ZBTB7C: variants seen among roughly 807,000 people sequenced by gnomAD.
ZBTB7C encodes the protein zinc finger and BTB domain containing 7C, also known as zinc finger and BTB domain-containing protein 7C.
ZBTB7C carries 8 observed loss-of-function variants against 25.7 expected under a neutral mutation model. That is an observed-to-expected ratio of 0.31 (90% CI 0.18 to 0.56). The LOEUF is 0.56. Ranked by LOEUF, ZBTB7C falls within the 20% of genes least tolerant of loss-of-function variation. ZBTB7C has a pLI of 0.91. For synonymous variants in ZBTB7C, 394 were observed against 369.0 expected (o/e 1.07, Z -0.78); for missense variants, 824 against 855.2 (o/e 0.96, Z 0.46).
intron 3 of ZBTB7C, among the ~76,000 whole-genome samples, chr18:48,097,255 C>A (rs897919458): frequency 2.6e-5 from 4 of 152,136 alleles, no homozygotes; most frequent in African/African-American, 9.7e-5. Context: ...CCATCTTCCA[C>A]CCTGTGCAAG....
chr18:48,345,620 C>T (rs1243408242), intron 1 of ZBTB7C, among the ~76,000 whole-genome samples: 1 of 152,150 alleles, frequency 6.6e-6, no homozygotes, highest in Non-Finnish European at 1.5e-5. Context: ...GAGTATATTT[C>T]TGTCTCTTCA....
At chr18:48,083,811 A>C in intron 3 of ZBTB7C, 1 of 984,426 alleles carries the variant, frequency 1.0e-6, no homozygotes, top group African/African-American at 1.7e-5. Flanking sequence ...TTATGAGGTT[A>C]TAAAGGGCCT....
At chr18:48,183,905 C>T (rs2041991601) in intron 3 of ZBTB7C, among the ~76,000 whole-genome samples, 1 of 152,160 alleles carries the variant, frequency 6.6e-6, no homozygotes, top group African/African-American at 2.4e-5. Context: ...CACATTCCCA[C>T]TCAGCTCTTG....
intron 3 of ZBTB7C, among the ~76,000 whole-genome samples, chr18:48,161,700 G>C (rs868466970): frequency 2.0e-5 from 3 of 146,486 alleles, no homozygotes; most frequent in Non-Finnish European, 3.0e-5. Context: ...TGCCCGGCCC[G>C]GCCCGGCCCG....
rs565030595 is a variant in ZBTB7C at position 48,027,697 on chromosome 18, G to T, written c.*1563C>A. 2.6e-5 allele frequency: 4 copies of T among 152,254 alleles called. No homozygotes were observed. Among genetic ancestry groups the T allele is most frequent in the African/African-American group, 9.7e-5 (4 of 41,440 alleles). The allele number at this position is 152,254 out of a possible 1,614,324, so 9.4% of individuals were successfully genotyped here. ...CAGGAAAAAGCCAAGGCAACAGGAA[G>T]AGCTGAAGTCTCTTTGTGCCCATAG... On this transcript the variant is annotated 3_prime_UTR_variant, in exon 5 of 5. Coordinates refer to ENST00000590800, the MANE Select transcript of ZBTB7C (RefSeq NM_001318841.2).
chr18:48,139,318 G>C (rs1228686366), intron 3 of ZBTB7C, among the ~76,000 whole-genome samples: 2 of 152,156 alleles, frequency 1.3e-5, no homozygotes, highest in Non-Finnish European at 2.9e-5. Context: ...AAAGGAGAGA[G>C]TGCAGGGCAG....
chr18:48,200,647 C>G (rs867144753), intron 2 of ZBTB7C, among the ~76,000 whole-genome samples: 1 of 152,142 alleles, frequency 6.6e-6, no homozygotes, highest in African/African-American at 2.4e-5. Flanking sequence ...GAAATGGGTC[C>G]TTGTATTGAG....
chr18:48,114,844 C>T (rs12150828), intron 3 of ZBTB7C, among the ~76,000 whole-genome samples: 2,172 of 152,274 alleles, frequency 0.014, 20 homozygotes, highest in Middle Eastern at 0.034. Context: ...CCCAGTTTGA[C>T]TTCATTTATG....
At chr18:48,388,369 T>C (rs1378120018) in intron 1 of ZBTB7C, among the ~76,000 whole-genome samples, 3 of 152,164 alleles carry the variant, frequency 2.0e-5, no homozygotes, top group African/African-American at 7.2e-5. Context: ...TAGCGAGGAA[T>C]GTGTTCCTTA....
At chr18:48,408,838 G>A (rs1015687550) in intron 1 of ZBTB7C, among the ~76,000 whole-genome samples, 1 of 151,320 alleles carries the variant, frequency 6.6e-6, no homozygotes, top group Non-Finnish European at 1.5e-5. Flanking sequence ...AGCCCCGCGC[G>A]CCACTTCGCT....
At chr18:48,105,568 G>A (rs530201506) in intron 3 of ZBTB7C, among the ~76,000 whole-genome samples, 4 of 152,284 alleles carry the variant, frequency 2.6e-5, no homozygotes, top group African/African-American at 7.2e-5. Flanking sequence ...TGCCCCTGGA[G>A]GGGGTACTGC....
At chr18:48,406,005 A>C (rs1391652238) in intron 1 of ZBTB7C, among the ~76,000 whole-genome samples, 1 of 152,112 alleles carries the variant, frequency 6.6e-6, no homozygotes, top group Non-Finnish European at 1.5e-5. Context: ...GTTTTCTTCC[A>C]GTGGGACACA....
intron 3 of ZBTB7C, chr18:48,087,793 C>G (rs965387088): frequency 1.7e-5 from 2 of 120,540 alleles, no homozygotes; most frequent in African/African-American, 6.6e-5. Context: ...GAACGAGACC[C>G]TTTCTCTAAA....
chr18:48,361,187 G>C (rs1296907224), intron 1 of ZBTB7C, among the ~76,000 whole-genome samples: 1 of 152,146 alleles, frequency 6.6e-6, no homozygotes, highest in Admixed American at 6.5e-5. Flanking sequence ...GGTGTCCAGA[G>C]AGTCACAGGT....
At chr18:48,134,637 G>A (rs1331359991) in intron 3 of ZBTB7C, among the ~76,000 whole-genome samples, 5 of 152,150 alleles carry the variant, frequency 3.3e-5, no homozygotes, top group Admixed American at 6.5e-5. Context: ...AGCTAAACTC[G>A]AGTCCTATGA....
chr18:48,039,580 C>T (rs754254114), intron 4 of ZBTB7C, among the ~76,000 whole-genome samples: 5 of 152,230 alleles, frequency 3.3e-5, no homozygotes, highest in Non-Finnish European at 5.9e-5. Flanking sequence ...CACAAATTTA[C>T]AGCTGGAAGG....
chr18:48,386,040 C>G (rs767072101), intron 1 of ZBTB7C, among the ~76,000 whole-genome samples: 2 of 152,236 alleles, frequency 1.3e-5, no homozygotes, highest in Non-Finnish European at 2.9e-5. Flanking sequence ...TTTTCTGGTT[C>G]CTTACCCATT....
chr18:48,409,743 G>C (rs1390812094), upstream of ZBTB7C, among the ~76,000 whole-genome samples: 2 of 149,926 alleles, frequency 1.3e-5, no homozygotes, highest in African/African-American at 2.5e-5. Context: ...GAGGCGGAGT[G>C]GGGGGGCCGG....
chr18:48,333,494 G>A (rs1167376241), intron 2 of ZBTB7C, among the ~76,000 whole-genome samples: 2 of 152,144 alleles, frequency 1.3e-5, no homozygotes, highest in Non-Finnish European at 2.9e-5. Context: ...GAACATTAAG[G>A]TCTGGGGAAC....
Sources: gnomAD v4.1 joint callset for allele counts (sites outside exome capture counted in the v4.1 genomes callset) on GRCh38, gnomAD v4.1.1 for gene constraint, MANE v1.5 for transcripts, NCBI Gene and HGNC (gene_info 2026-07-23, HGNC 2026-07-21) for gene names.